SASH1: variants seen among roughly 807,000 people sequenced by gnomAD.
SASH1 encodes SAM and SH3 domain containing 1.
Under a neutral mutation model 125.2 loss-of-function variants are expected in SASH1, and 44 were observed. The observed-to-expected ratio is 0.35, with a 90% confidence interval of 0.28 to 0.45. The LOEUF is 0.45. Among genes scored for constraint, SASH1 ranks in the 20% least tolerant of loss-of-function variants. The pLI, the probability that SASH1 is intolerant of heterozygous loss-of-function variation, is 1.00. For missense variants in SASH1, 1,426 were observed against 1,614.5 expected (o/e 0.88, Z 2.00); for synonymous variants, 639 against 649.1 (o/e 0.98, Z 0.24).
At position 148,492,590 on chromosome 6, in the gene SASH1, G is replaced by C. The variant is rs1208266982; in HGVS notation, c.729+4875G>C. 1.3e-5 allele frequency among the ~76,000 whole-genome samples: 2 copies of C among 152,048 alleles called. 1 individual carries two copies. The highest frequency in any genetic ancestry group is 3.9e-4 in the East Asian group (2 of 5,192). ...CCCAGCACTTTGGGAGGCTGAGGCAGGCGGATTACCTGAGGTCAGGAGTTC... is the reference window on the plus strand; with the variant it reads ...CCCAGCACTTTGGGAGGCTGAGGCACGCGGATTACCTGAGGTCAGGAGTTC... On this transcript the variant is annotated intron_variant, in intron 8 of 19. Transcript: ENST00000367467.
intron 2 of SASH1, among the ~76,000 whole-genome samples, chr6:148,407,147 A>G (rs1191157932): frequency 6.6e-6 from 1 of 152,234 alleles, no homozygotes; most frequent in Non-Finnish European, 1.5e-5. Flanking sequence ...CAGCATAATC[A>G]CATGTTGTTC....
At chr6:148,278,075 C>T (rs566879548) in intron 1 of SASH1, among the ~76,000 whole-genome samples, 3 of 151,762 alleles carry the variant, frequency 2.0e-5, no homozygotes, top group South Asian at 2.1e-4. Flanking sequence ...GAGTCTCGCT[C>T]TCTCACCCAG....
chr6:148,317,518 G>A (rs1482604138), intron 1 of SASH1, among the ~76,000 whole-genome samples: 1 of 152,230 alleles, frequency 6.6e-6, no homozygotes, highest in African/African-American at 2.4e-5. Context: ...TCCGCCTCCT[G>A]GGCTCAAGCG....
At chr6:148,194,440 A>C in the SASH1 span, among the ~76,000 whole-genome samples, 1 of 152,234 alleles carries the variant, frequency 6.6e-6, no homozygotes, top group Non-Finnish European at 1.5e-5. Flanking sequence ...ATTCTGTTGC[A>C]AACAGGTAAT....
intron 1 of SASH1, among the ~76,000 whole-genome samples, chr6:148,281,194 G>A (rs1369899661): frequency 7.0e-6 from 1 of 142,038 alleles, no homozygotes; most frequent in Non-Finnish European, 1.5e-5. Context: ...CTGACCTCAA[G>A]TGATCCTCCT....
At chr6:148,537,803 TG>T (rs1781947243) in intron 16 of SASH1, among the ~76,000 whole-genome samples, 1 of 146,308 alleles carries the variant, frequency 6.8e-6, no homozygotes, top group Non-Finnish European at 1.5e-5. Context: ...TGTGTGTGTG[TG>T]TGTGTGTGTG....
intron 1 of SASH1, among the ~76,000 whole-genome samples, chr6:148,302,311 CAAAAAAAA>C (rs1174644909): frequency 0.032 from 1,441 of 44,786 alleles, 35 homozygotes; most frequent in African/African-American, 0.12. Flanking sequence ...GACTCCGTCT[CAAAAAAAA>C]AAAAAAAAAA....
At chr6:148,367,361 C>T (rs1034178535) in intron 1 of SASH1, among the ~76,000 whole-genome samples, 7 of 152,160 alleles carry the variant, frequency 4.6e-5, no homozygotes, top group Admixed American at 3.3e-4. Context: ...TGACCATGCA[C>T]ATTCTTACTT....
At chr6:148,452,577 A>C (rs559764997) in intron 4 of SASH1, among the ~76,000 whole-genome samples, 3 of 152,296 alleles carry the variant, frequency 2.0e-5, no homozygotes, top group African/African-American at 7.2e-5. Flanking sequence ...AGTTATTCGA[A>C]TTCTTTACGC....
intron 1 of SASH1, among the ~76,000 whole-genome samples, chr6:148,298,712 A>AGGAG (rs369219222): frequency 6.8e-5 from 4 of 58,822 alleles, no homozygotes; most frequent in Non-Finnish European, 1.0e-4. Context: ...GAAGGAAGGA[A>AGGAG]GAAGGAAGGG....
chr6:148,426,867 GC>G (rs1211854008), intron 2 of SASH1, among the ~76,000 whole-genome samples: 2 of 152,162 alleles, frequency 1.3e-5, no homozygotes, highest in African/African-American at 4.8e-5. Flanking sequence ...GGGCACGGTG[GC>G]TCACACGGGT....
intron 19 of SASH1, among the ~76,000 whole-genome samples, chr6:148,546,514 A>C (rs1782584255): frequency 6.6e-6 from 1 of 152,210 alleles, no homozygotes; most frequent in Non-Finnish European, 1.5e-5. Context: ...TAAGAAATAA[A>C]ATAAAATCCG....
At chr6:148,325,300 G>A (rs1445484992) in intron 1 of SASH1, among the ~76,000 whole-genome samples, 1 of 148,632 alleles carries the variant, frequency 6.7e-6, no homozygotes, top group East Asian at 2.0e-4. Context: ...TTTTGAGACA[G>A]AGTCTTACTC....
At chr6:148,277,152 C>T (rs1779208993) in intron 1 of SASH1, among the ~76,000 whole-genome samples, 1 of 152,084 alleles carries the variant, frequency 6.6e-6, no homozygotes, top group South Asian at 2.1e-4. Flanking sequence ...AGAGTCTGCC[C>T]CTGGAGTCTT....
chr6:148,379,628 CATCT>C (rs1783054115), intron 1 of SASH1, among the ~76,000 whole-genome samples: 1 of 152,144 alleles, frequency 6.6e-6, no homozygotes, highest in Admixed American at 6.5e-5. Context: ...TCCATCCATC[CATCT>C]GTTCATTCAT....
chr6:148,354,554 CA>C (rs1229690648), intron 1 of SASH1, among the ~76,000 whole-genome samples: 2 of 151,974 alleles, frequency 1.3e-5, no homozygotes, highest in Non-Finnish European at 2.9e-5. Flanking sequence ...CTATTTTCTG[CA>C]AATCACTCAT....
At chr6:148,398,114 A>G (rs1784031043) in intron 2 of SASH1, among the ~76,000 whole-genome samples, 1 of 152,146 alleles carries the variant, frequency 6.6e-6, no homozygotes, top group Non-Finnish European at 1.5e-5. Flanking sequence ...GGGAGGGGTA[A>G]ATGTGGCTAG....
intron 1 of SASH1, among the ~76,000 whole-genome samples, chr6:148,298,667 GAGGAAGGAAGGAAGGAAGGAAGGA>G (rs71031057): frequency 9.0e-5 from 5 of 55,672 alleles, no homozygotes; most frequent in African/African-American, 3.2e-4. Flanking sequence ...GGGAGGGAGG[GAGGAAGGAAGGAAGGAAGGAAGGA>G]AGGAAGGAAG....
intron 2 of SASH1, among the ~76,000 whole-genome samples, chr6:148,424,189 T>A (rs1442375608): frequency 3.3e-5 from 5 of 151,900 alleles, no homozygotes; most frequent in Admixed American, 1.3e-4. Context: ...CTTTGTCTTT[T>A]AAAAAATTTT....
Sources: gnomAD v4.1 joint callset for allele counts (sites outside exome capture counted in the v4.1 genomes callset) on GRCh38, gnomAD v4.1.1 for gene constraint, MANE v1.5 for transcripts, NCBI Gene and HGNC (gene_info 2026-07-23, HGNC 2026-07-21) for gene names.